Variants in BPTF observed in about 807,000 individuals in gnomAD.
BPTF encodes bromodomain PHD finger transcription factor, also known as nucleosome-remodeling factor subunit BPTF.
In BPTF, 18 loss-of-function variants were observed where a neutral mutation model predicts 292.5. The ratio of observed to expected loss-of-function variants is 0.06; its 90% CI spans 0.04 to 0.09. The LOEUF (loss-of-function observed/expected upper bound fraction) is 0.09. Ranked by LOEUF, BPTF falls within the 10% of genes least tolerant of loss-of-function variation. BPTF has a pLI of 1.00. For synonymous variants in BPTF, 1,225 were observed against 1,251.9 expected (o/e 0.98, Z 0.45); for missense variants, 2,726 against 3,498.7 (o/e 0.78, Z 5.57).
At chr17:67,892,962 A>G (rs2061221365) in intron 5 of BPTF, among the ~76,000 whole-genome samples, 1 of 152,198 alleles carries the variant, frequency 6.6e-6, no homozygotes, top group African/African-American at 2.4e-5. Flanking sequence ...AGGACCCGAA[A>G]GGATGTTTTT....
chr17:67,955,277 C>CAAAAA (rs60507268), intron 23 of BPTF: 6 of 119,518 alleles, frequency 5.0e-5, no homozygotes, highest in African/African-American at 2.1e-4. Context: ...GACTCTGTCT[C>CAAAAA]AAAAAAAAAA....
chr17:67,831,547 A>G (rs2143843975), intron 1 of BPTF, among the ~76,000 whole-genome samples: 2 of 152,286 alleles, frequency 1.3e-5, no homozygotes, highest in South Asian at 4.2e-4. Flanking sequence ...TGCGTATCAC[A>G]GGACTGGGGA....
At chr17:67,858,776 C>T (rs1030078637) in intron 2 of BPTF, among the ~76,000 whole-genome samples, 3 of 152,128 alleles carry the variant, frequency 2.0e-5, no homozygotes, top group African/African-American at 7.2e-5. Context: ...AGTCCATGCT[C>T]CAATTCTCCC....
rs1039865702 is a variant in BPTF, at chr17:67,941,898, G to C, written c.6477+1242G>C. 4.6e-5 allele frequency among the ~76,000 whole-genome samples: 7 copies of C among 152,298 alleles called. No individual in the cohort carries two copies. The South Asian group carries it at 1.4e-3, about 32-fold the overall frequency. On this transcript the variant is annotated intron_variant, in intron 19 of 27. Transcript: ENST00000306378. ...CTGTTCATCAAACTCACTACAGAGA[G>C]AGTGAAGAAAATGAGAAAAGAACCA... is the stretch of plus-strand genomic sequence containing the variant.
intron 23 of BPTF, chr17:67,951,640 CCAAAGA>C (rs1343208920): frequency 3.3e-5 from 5 of 152,114 alleles, no homozygotes; most frequent in African/African-American, 1.2e-4. Flanking sequence ...AATCTAACCC[CCAAAGA>C]CAATCATTTT....
At chr17:67,842,042 A>G (rs907317805) in intron 1 of BPTF, among the ~76,000 whole-genome samples, 4 of 152,152 alleles carry the variant, frequency 2.6e-5, no homozygotes, top group Non-Finnish European at 5.9e-5. Context: ...AAAATGTAAA[A>G]TAAAACGTAA....
chr17:67,826,232 G>A lies in BPTF; in HGVS notation c.508G>A (p.Asp170Asn). The A allele has an allele frequency of 1.2e-6, 2 of 1,613,834 alleles. No individual in the cohort carries two copies. The highest frequency in any genetic ancestry group is 8.5e-7 in the Non-Finnish European group (1 of 1,179,884). Reference sequence around the variant, plus strand: ...CGAGGAGGATGAGATGGAAGAGGACGACGATGACTCCGATTATCCGGAGGA... The same window carrying A: ...CGAGGAGGATGAGATGGAAGAGGACAACGATGACTCCGATTATCCGGAGGA... ...DDEEDEMEED[D>N]DDSDYPEEME... The change falls in exon 1 of 28, where the codon GAC (aspartate) becomes AAC (asparagine). Residue 170 changes from aspartate to asparagine, a missense_variant. Asp to Asn is a conservative substitution (Grantham distance 23). Transcript: ENST00000306378.
chr17:67,909,009 A>G (rs111328898), intron 9 of BPTF, among the ~76,000 whole-genome samples: 15,121 of 150,880 alleles, frequency 0.1, 2,591 homozygotes, highest in African/African-American at 0.35. Context: ...TAATTTTTGT[A>G]TTTTTAGTAG....
At chr17:67,956,205 G>C (rs1439718443) in intron 23 of BPTF, 5 of 150,528 alleles carry the variant, frequency 3.3e-5, no homozygotes, top group African/African-American at 1.2e-4. Context: ...TGTAGTCCCA[G>C]CTACTCGGGA....
At chr17:67,879,122 G>GTTGTTAATTAT (rs1453870045) in intron 4 of BPTF, among the ~76,000 whole-genome samples, 1 of 146,044 alleles carries the variant, frequency 6.8e-6, no homozygotes, top group Non-Finnish European at 1.5e-5. Flanking sequence ...TTGTGGGGCT[G>GTTGTTAATTAT]TTGTTAATTA....
Position 67,945,921 on chromosome 17 carries a change from T to C in BPTF, c.7213T>C (p.Ser2405Pro). ...PQVQSSTQTL[S>P]SGQTLNQVTV... The stretch of plus-strand genomic sequence containing the variant: ...GGTACAGTCTTCAACTCAAACTCTT[T>C]CATCAGGACAAACTTTAAATCAAGT... Residue 2405 changes from serine (S) to proline (P), a missense_variant, in exon 21 of 28, where the codon TCA becomes CCA. Coordinates refer to ENST00000306378, the MANE Select transcript of BPTF (RefSeq NM_182641.4). 1.9e-6 allele frequency: 3 copies of C among 1,614,124 alleles called. No homozygotes were observed. The highest frequency in any genetic ancestry group is 1.1e-5 in the South Asian group (1 of 91,078).
chr17:67,827,026 A>G (rs2056135633), intron 1 of BPTF, among the ~76,000 whole-genome samples: 1 of 152,216 alleles, frequency 6.6e-6, no homozygotes, highest in African/African-American at 2.4e-5. Flanking sequence ...CAGAAAGCCA[A>G]ACAAGACCCA....
At chr17:67,921,551 A>AAATC (rs2063440756) in intron 13 of BPTF, among the ~76,000 whole-genome samples, 1 of 152,090 alleles carries the variant, frequency 6.6e-6, no homozygotes, top group African/African-American at 2.4e-5. Context: ...ATAAATAAAT[A>AAATC]AATAAAAAGA....
chr17:67,959,043 A>G (rs2067217506), intron 23 of BPTF, among the ~76,000 whole-genome samples: 1 of 152,218 alleles, frequency 6.6e-6, no homozygotes, highest in Non-Finnish European at 1.5e-5. Flanking sequence ...GAAATTCTAG[A>G]CATAGGAGCA....
At chr17:67,964,835 T>C (rs1471244689) in intron 25 of BPTF, among the ~76,000 whole-genome samples, 1 of 150,820 alleles carries the variant, frequency 6.6e-6, no homozygotes, top group Non-Finnish European at 1.5e-5. Context: ...CCGTCTCTAC[T>C]AAAAATACAA....
At position 67,983,866 on chromosome 17, in the gene BPTF, T is replaced by C. The variant is rs1165339159; in HGVS notation, c.*1578T>C. ...CAGTTTCTTAAAAGAAAGATGTTGC[T>C]ACAGTTCCCGATTCTTTCTTATTAC... On this transcript the variant is annotated 3_prime_UTR_variant, in exon 28 of 28. Coordinates refer to ENST00000306378, the MANE Select transcript of BPTF (RefSeq NM_182641.4). 6.6e-6 allele frequency: 1 copy of C among 152,664 alleles called. No individual in the cohort carries two copies. The highest frequency in any genetic ancestry group is 2.4e-5 in the African/African-American group (1 of 41,462). 9.5% of individuals were successfully genotyped at this position (152,664 alleles called of 1,614,324 possible).
At position 67,964,260 on chromosome 17, in the gene BPTF, C is replaced by T. The variant is rs370917172; in HGVS notation, c.8310C>T (p.Cys2770=). Residue 2770 remains cysteine (C), a synonymous_variant, in exon 25 of 28, where the codon TGC becomes TGT. Coordinates refer to ENST00000306378, the MANE Select transcript of BPTF (RefSeq NM_182641.4). ...DRCQNWYHGR[C]VGILQSEAEL... ...GTCAGAATTGGTACCATGGGCGCTG[C>T]GTTGGCATCTTGCAAAGTGAGGCAG... 78 of 1,613,872 alleles carry T rather than the reference C, an allele frequency of 4.8e-5. No individual in the cohort carries two copies. Among genetic ancestry groups the T allele is most frequent in the Admixed American group, 2.5e-4 (15 of 59,980 alleles).
intron 17 of BPTF, among the ~76,000 whole-genome samples, chr17:67,931,197 G>A (rs917900771): frequency 2.6e-5 from 4 of 151,870 alleles, no homozygotes; most frequent in African/African-American, 4.8e-5. Flanking sequence ...CCCGGGAGGC[G>A]GAGGTTGTAG....
chr17:67,834,107 C>A (rs1451554947), intron 1 of BPTF, among the ~76,000 whole-genome samples: 1 of 152,186 alleles, frequency 6.6e-6, no homozygotes, highest in Admixed American at 6.5e-5. Context: ...AGCCTGCCTT[C>A]TCTGATCACC....
Sources: allele counts gnomAD v4.1 joint callset (sites outside exome capture counted in the v4.1 genomes callset), GRCh38; gene constraint gnomAD v4.1.1; transcripts MANE v1.5; gene names NCBI Gene and HGNC (gene_info 2026-07-23, HGNC 2026-07-21).